LRP1B: variants seen among roughly 807,000 people sequenced by gnomAD.
The protein encoded by LRP1B is low-density lipoprotein receptor-related protein 1B.
LRP1B carries 217 observed loss-of-function variants against 556.6 expected under a neutral mutation model. The observed-to-expected ratio is 0.39, with a 90% CI of 0.35 to 0.44. The LOEUF is 0.44. Among genes scored for constraint, LRP1B ranks in the 20% least tolerant of loss-of-function variants. The pLI, the probability that LRP1B is intolerant of heterozygous loss-of-function variation, is 1.00. For synonymous variants in LRP1B, 2,047 were observed against 1,865.8 expected, an observed-to-expected ratio of 1.10 and a Z score of -2.50; for missense variants, 5,053 against 5,620.8, an observed-to-expected ratio of 0.90 and a Z score of 3.23.
intron 3 of LRP1B, among the ~76,000 whole-genome samples, chr2:141,364,664 A>G (rs1688954186): frequency 6.6e-6 from 1 of 152,192 alleles, no homozygotes; most frequent in Non-Finnish European, 1.5e-5. Flanking sequence ...ATCCCAAAGT[A>G]CTTCAAAATA....
At chr2:140,372,960 A>T (rs944226216) in intron 69 of LRP1B, 48 bp downstream of exon 69, 1 of 1,599,884 alleles carries the variant, frequency 6.3e-7, no homozygotes, top group Admixed American at 1.7e-5. Flanking sequence ...TTTAAATTCT[A>T]TCAAGGTAAA....
intron 2 of LRP1B, among the ~76,000 whole-genome samples, chr2:141,761,655 A>G (rs933467102): frequency 6.6e-6 from 1 of 152,174 alleles, no homozygotes; most frequent in South Asian, 2.1e-4. Context: ...ACTGAACAGC[A>G]TCTCAATCCT....
At chr2:142,066,329 C>T (rs1432135434) in intron 1 of LRP1B, among the ~76,000 whole-genome samples, 2 of 151,506 alleles carry the variant, frequency 1.3e-5, no homozygotes, top group Admixed American at 6.6e-5. Context: ...TCACATTTTG[C>T]TATAAGCAGC....
intron 14 of LRP1B, among the ~76,000 whole-genome samples, chr2:141,011,071 C>CAGAGAGAGAGAG (rs143409764): frequency 0.037 from 5,326 of 142,718 alleles, 116 homozygotes; most frequent in Middle Eastern, 0.052. Context: ...TGTATTCTCT[C>CAGAGAGAGAGAG]AGAGAGAGAG....
intron 3 of LRP1B, among the ~76,000 whole-genome samples, chr2:141,461,705 T>G (rs1430555796): frequency 1.3e-5 from 2 of 152,202 alleles, no homozygotes; most frequent in African/African-American, 4.8e-5. Context: ...GTAGCATAAA[T>G]GTACAATTCT....
intron 20 of LRP1B, among the ~76,000 whole-genome samples, chr2:140,927,509 A>C (rs917622076): frequency 2.0e-5 from 3 of 152,172 alleles, no homozygotes; most frequent in African/African-American, 7.2e-5. Flanking sequence ...GAAAAATAGA[A>C]TTCATTCATA....
intron 66 of LRP1B, among the ~76,000 whole-genome samples, chr2:140,413,169 C>A (rs1271615183): frequency 6.6e-6 from 1 of 152,070 alleles, no homozygotes; most frequent in East Asian, 1.9e-4. Context: ...AAATGTAATA[C>A]ACACACAAAC....
Position 141,562,241 on chromosome 2 carries a change from G to A in LRP1B, c.206-81708C>T, listed in dbSNP as rs192276348. Among the ~76,000 whole-genome samples, 13 of 152,046 alleles carry A rather than the reference G, an allele frequency of 8.6e-5. No individual in the cohort carries two copies. The East Asian group carries it at 2.1e-3, about 25-fold the overall frequency. ...AGGATTTATGAGCACGGTGTCACAC[G>A]AACTATGTCAGAGGCTAAGAGGTAC... is the stretch of plus-strand genomic sequence containing the variant. On this transcript the variant is annotated intron_variant, in intron 2 of 90. Transcript: ENST00000389484.
chr2:141,096,533 A>G (rs1700307889), intron 7 of LRP1B, among the ~76,000 whole-genome samples: 1 of 151,762 alleles, frequency 6.6e-6, no homozygotes, highest in South Asian at 2.1e-4. Flanking sequence ...TAACACACCT[A>G]TCTGTGATTA....
chr2:140,666,626 T>C (rs1159814848), intron 41 of LRP1B, among the ~76,000 whole-genome samples: 1 of 152,212 alleles, frequency 6.6e-6, no homozygotes, highest in Admixed American at 6.5e-5. Flanking sequence ...TTAAGCATTC[T>C]GATGTAATCA....
intron 35 of LRP1B, among the ~76,000 whole-genome samples, chr2:140,729,740 G>A (rs1049789958): frequency 6.6e-6 from 1 of 152,150 alleles, no homozygotes; most frequent in African/African-American, 2.4e-5. Flanking sequence ...GTAGTAGGTT[G>A]CAGTTGCTTC....
intron 1 of LRP1B, among the ~76,000 whole-genome samples, chr2:141,831,972 G>T (rs1352927007): frequency 6.6e-6 from 1 of 151,484 alleles, no homozygotes; most frequent in Non-Finnish European, 1.5e-5. Flanking sequence ...TTCTACATTG[G>T]AAATTCTGGT....
chr2:140,833,613 A>T (rs189449073), intron 31 of LRP1B, among the ~76,000 whole-genome samples: 4 of 152,226 alleles, frequency 2.6e-5, no homozygotes, highest in Admixed American at 2.6e-4. Flanking sequence ...CTATGGTGAA[A>T]TTGTTTTCTT....
At chr2:142,118,876 T>C (rs1265637786) in intron 1 of LRP1B, among the ~76,000 whole-genome samples, 8 of 152,156 alleles carry the variant, frequency 5.3e-5, no homozygotes, top group African/African-American at 1.9e-4. Context: ...TAAAATTTAA[T>C]AAAATTTTGG....
chr2:140,946,130 G>A (rs770163467), intron 20 of LRP1B, among the ~76,000 whole-genome samples: 2 of 152,082 alleles, frequency 1.3e-5, no homozygotes, highest in African/African-American at 2.4e-5. Context: ...TCAGAGAAAT[G>A]CAAATCAAAA....
intron 66 of LRP1B, among the ~76,000 whole-genome samples, chr2:140,436,301 T>C (rs1031315688): frequency 5.9e-5 from 9 of 152,198 alleles, no homozygotes; most frequent in Non-Finnish European, 1.3e-4. Context: ...AAATTATTTT[T>C]GAAAGCTTCC....
intron 3 of LRP1B, among the ~76,000 whole-genome samples, chr2:141,423,421 T>C (rs1220579782): frequency 1.3e-5 from 2 of 151,224 alleles, no homozygotes; most frequent in Non-Finnish European, 2.9e-5. Context: ...CCAAAGCCAC[T>C]GGGAAAAGAC....
intron 11 of LRP1B, among the ~76,000 whole-genome samples, chr2:141,031,210 G>T (rs1468162216): frequency 6.7e-6 from 1 of 149,348 alleles, no homozygotes; most frequent in Non-Finnish European, 1.5e-5. Context: ...TAAAAATCAT[G>T]ATTTTTCTGG....
chr2:141,267,580 AT>A (rs1284650180), intron 3 of LRP1B, among the ~76,000 whole-genome samples: 1 of 152,172 alleles, frequency 6.6e-6, no homozygotes, highest in East Asian at 1.9e-4. Flanking sequence ...AGAGTTATTA[AT>A]AATAAAATAA....
Sources: allele counts gnomAD v4.1 joint callset (sites outside exome capture counted in the v4.1 genomes callset), GRCh38; gene constraint gnomAD v4.1.1; transcripts MANE v1.5; gene names NCBI Gene and HGNC (gene_info 2026-07-23, HGNC 2026-07-21).